Variants in ZNF578 observed in about 807,000 individuals in gnomAD.
The protein encoded by ZNF578 is zinc finger protein 578.
Under a neutral mutation model 8.3 loss-of-function variants are expected in ZNF578, and 8 were observed. The observed-to-expected ratio is 0.96, with a 90% CI of 0.56 to 1.74. The LOEUF (loss-of-function observed/expected upper bound fraction) is 1.74. Ranked by LOEUF, ZNF578 falls within the 40% of genes most tolerant of loss-of-function variation. The pLI is 0.00. For missense variants in ZNF578, 726 were observed against 707.5 expected, an observed-to-expected ratio of 1.03 and a Z score of -0.30; for synonymous variants, 206 against 232.2, an observed-to-expected ratio of 0.89 and a Z score of 1.03.
intron 2 of ZNF578, among the ~76,000 whole-genome samples, chr19:52,486,135 C>A (rs144836793): frequency 1.3e-5 from 2 of 152,308 alleles, no homozygotes; most frequent in African/African-American, 2.4e-5. Context: ...GTGAGACATG[C>A]GGGCAGCAAT....
At chr19:52,458,435 C>T (rs1187573927) in intron 2 of ZNF578, 1 of 125,312 alleles carries the variant, frequency 8.0e-6, no homozygotes, top group Admixed American at 7.7e-5. Context: ...ATTTTGCCCT[C>T]ATTAAAAAAA....
chr19:52,505,528 T>G (rs189792300), intron 5 of ZNF578, among the ~76,000 whole-genome samples: 1 of 151,912 alleles, frequency 6.6e-6, no homozygotes, highest in Non-Finnish European at 1.5e-5. Context: ...TTCAAGCCAT[T>G]CTTCTGCCTC....
At chr19:52,461,045 G>A (rs912019837) in intron 2 of ZNF578, among the ~76,000 whole-genome samples, 6 of 152,112 alleles carry the variant, frequency 3.9e-5, no homozygotes, top group African/African-American at 4.8e-5. Context: ...ATCCTCCAAC[G>A]GTCCATTTAA....
chr19:52,499,695 T>TTTTTTTTTTTTTTTTTTTTTTTTTTTC (rs1269748903), intron 3 of ZNF578, among the ~76,000 whole-genome samples: 1 of 151,534 alleles, frequency 6.6e-6, no homozygotes. Flanking sequence ...AATCGTTTTT[T>TTTTTTTTTTTTTTTTTTTTTTTTTTTC]TTTTTTTGAG....
rs548204957 is a variant in ZNF578 at position 52,515,690 on chromosome 19, G to A, written c.*3536G>A. Among the ~76,000 whole-genome samples the A allele has an allele frequency of 9.9e-5, 15 of 151,498 alleles. No individual in the cohort carries two copies. The highest frequency in any genetic ancestry group is 3.4e-4 in the African/African-American group (14 of 41,286). ...AAGGTCAACCCGAGTGTCCCTGACC[G>A]TTGAAATGATTGGCAAAATGGAGTG... is the stretch of plus-strand genomic sequence containing the variant. On this transcript the variant is annotated 3_prime_UTR_variant, in exon 6 of 6. Coordinates refer to ENST00000421239, the MANE Select transcript of ZNF578 (RefSeq NM_001099694.2).
Position 52,512,979 on chromosome 19 carries a change from A to G in ZNF578, c.*825A>G, listed in dbSNP as rs1315872475. 6.6e-6 allele frequency among the ~76,000 whole-genome samples: 1 copy of G among 152,094 alleles called. No homozygotes were observed. Among genetic ancestry groups the G allele is most frequent in the Non-Finnish European group, 1.5e-5 (1 of 68,028 alleles). On this transcript the variant is annotated 3_prime_UTR_variant, in exon 6 of 6. Transcript: ENST00000421239. ...TAGGTCACTTGAGGTCAAGAGTTTG[A>G]AACAAGCATGGCCAAGAGATGTGAG...
chr19:52,460,408 A>G (rs532518755), intron 2 of ZNF578, among the ~76,000 whole-genome samples: 2 of 151,662 alleles, frequency 1.3e-5, no homozygotes, highest in East Asian at 1.9e-4. Flanking sequence ...TTTGGTGGTG[A>G]TGAGCATCTT....
intron 2 of ZNF578, chr19:52,458,034 G>A (rs2059244775): frequency 6.5e-6 from 1 of 153,738 alleles, no homozygotes. Context: ...AGCAGGAATT[G>A]AAGGATTGTT....
chr19:52,459,366 T>C (rs1244108001), intron 2 of ZNF578, among the ~76,000 whole-genome samples: 1 of 152,172 alleles, frequency 6.6e-6, no homozygotes, highest in African/African-American at 2.4e-5. Flanking sequence ...CTTTTGTGAC[T>C]GTCTTATTTT....
chr19:52,511,842 G>T lies in ZNF578; in HGVS notation c.1461G>T (p.Glu487Asp), dbSNP rs1313276159. The change falls in exon 6 of 6, where the codon GAG becomes GAT. Residue 487 changes from glutamate to aspartate, a missense_variant. Glu to Asp is a conservative substitution (Grantham distance 45). Transcript: ENST00000421239. Reference protein sequence around the residue: ...HTGEKPYKCNECHKTFSHRSS... With the variant: ...HTGEKPYKCNDCHKTFSHRSS... ...GAGAGAAACCTTACAAGTGTAATGA[G>T]TGTCACAAGACCTTCAGTCACAGGT... 1 of 1,613,188 alleles carries T rather than the reference G, an allele frequency of 6.2e-7. No homozygotes were observed. The highest frequency in any genetic ancestry group is 1.7e-5 in the Admixed American group (1 of 59,954).
At chr19:52,501,780 G>A in intron 3 of ZNF578, 47 bp from the exon 4 acceptor site, 1 of 1,591,078 alleles carries the variant, frequency 6.3e-7, no homozygotes, top group Non-Finnish European at 8.6e-7. Context: ...CACAGGAAGG[G>A]AGTGAGTCAT....
At chr19:52,498,393 G>A (rs370982521) in intron 3 of ZNF578, among the ~76,000 whole-genome samples, 12 of 144,802 alleles carry the variant, frequency 8.3e-5, no homozygotes, top group East Asian at 2.1e-4. Context: ...GTGCAGTGGC[G>A]CAATCTCCTC....
intron 3 of ZNF578, among the ~76,000 whole-genome samples, chr19:52,492,280 G>C (rs1003903266): frequency 1.3e-5 from 2 of 151,880 alleles, no homozygotes; most frequent in South Asian, 2.1e-4. Flanking sequence ...GCGATTCTCT[G>C]GCCGCTGCTT....
At chr19:52,459,713 A>ATGTGTGTATG (rs1187045005) in intron 2 of ZNF578, among the ~76,000 whole-genome samples, 3 of 18,234 alleles carry the variant, frequency 1.6e-4, no homozygotes, top group African/African-American at 4.3e-4. Context: ...ATATGTAGAT[A>ATGTGTGTATG]TGTGTGTGTG....
intron 3 of ZNF578, among the ~76,000 whole-genome samples, chr19:52,500,391 G>A (rs1243777592): frequency 6.1e-5 from 9 of 147,392 alleles, no homozygotes; most frequent in Middle Eastern, 3.5e-3. Flanking sequence ...ACAAATGGTT[G>A]CAATCTTTTG....
intron 2 of ZNF578, among the ~76,000 whole-genome samples, chr19:52,460,041 A>C (rs1277359923): frequency 6.6e-6 from 1 of 150,884 alleles, no homozygotes; most frequent in Non-Finnish European, 1.5e-5. Flanking sequence ...CTGGGATTAC[A>C]GGCATAGCCA....
At chr19:52,482,986 T>G (rs1268336115) in intron 2 of ZNF578, among the ~76,000 whole-genome samples, 1 of 150,874 alleles carries the variant, frequency 6.6e-6, no homozygotes, top group Non-Finnish European at 1.5e-5. Context: ...GGCATGCATC[T>G]GTAGTCCCAT....
Position 52,473,530 on chromosome 19 carries a change from A to G in ZNF578, c.-122+16572A>G, listed in dbSNP as rs188568193. 1.4e-3 allele frequency: 215 copies of G among 159,246 alleles called. 1 individual carries two copies. Among genetic ancestry groups the G allele is most frequent in the Non-Finnish European group, 2.1e-3 (154 of 72,360 alleles). The allele number at this position is 159,246 out of a possible 1,614,324, so 9.9% of individuals were successfully genotyped here. The stretch of plus-strand genomic sequence containing the variant: ...TTATTTTATGAAAGGCAAGGCTTGA[A>G]TGCACACTAAATGCTTAGCTATATT... On this transcript the variant is annotated intron_variant, in intron 2 of 5. Transcript: ENST00000421239.
At chr19:52,481,066 C>T (rs1324738448) in intron 2 of ZNF578, among the ~76,000 whole-genome samples, 1 of 152,118 alleles carries the variant, frequency 6.6e-6, no homozygotes, top group East Asian at 1.9e-4. Flanking sequence ...CCCCCTCATT[C>T]ATGTGTGTGA....
Sources: allele counts gnomAD v4.1 joint callset (sites outside exome capture counted in the v4.1 genomes callset), GRCh38; gene constraint gnomAD v4.1.1; transcripts MANE v1.5; gene names NCBI Gene and HGNC (gene_info 2026-07-23, HGNC 2026-07-21).